Variants in KCNH1 observed in about 807,000 individuals in gnomAD.
KCNH1 encodes voltage-gated delayed rectifier potassium channel KCNH1.
Under a neutral mutation model 69.2 loss-of-function variants are expected in KCNH1, and 27 were observed. The observed-to-expected ratio is 0.39, with a 90% CI of 0.29 to 0.54. The LOEUF is 0.54. KCNH1 is among the 20% of genes least tolerant of loss of function. The pLI is 0.68. For synonymous variants in KCNH1, 456 were observed against 487.7 expected (o/e 0.93, Z 0.86); for missense variants, 798 against 1,261.6 (o/e 0.63, Z 5.57).
intron 7 of KCNH1, chr1:210,860,658 A>T: frequency 1.3e-6 from 1 of 780,726 alleles, no homozygotes; most frequent in South Asian, 1.4e-5. Context: ...CCTGCATTAC[A>T]GGTCTGATAA....
At chr1:210,996,886 C>T (rs368537603) in intron 6 of KCNH1, among the ~76,000 whole-genome samples, 1 of 152,252 alleles carries the variant, frequency 6.6e-6, no homozygotes, top group East Asian at 1.9e-4. Flanking sequence ...GCAGCCACCG[C>T]TGCTGATACC....
At chr1:210,703,967 T>G (rs1681843008) in intron 10 of KCNH1, among the ~76,000 whole-genome samples, 1 of 152,176 alleles carries the variant, frequency 6.6e-6, no homozygotes, top group South Asian at 2.1e-4. Context: ...AAGTGCAGCG[T>G]GCACCCCCAT....
At chr1:211,016,082 C>G (rs753594804) in intron 6 of KCNH1, among the ~76,000 whole-genome samples, 3 of 152,142 alleles carry the variant, frequency 2.0e-5, no homozygotes, top group African/African-American at 4.8e-5. Context: ...TTTCATGAAT[C>G]TATAAATCAG....
intron 10 of KCNH1, among the ~76,000 whole-genome samples, chr1:210,707,719 T>G (rs1681947975): frequency 6.6e-6 from 1 of 152,014 alleles, no homozygotes; most frequent in Non-Finnish European, 1.5e-5. Flanking sequence ...TTCTAAAAAG[T>G]CCCTCAGCAC....
chr1:210,797,884 C>T (rs1391538005), intron 8 of KCNH1, 124 bp from the exon 9 acceptor site: 1 of 1,084,468 alleles, frequency 9.2e-7, no homozygotes, highest in Non-Finnish European at 1.3e-6. Flanking sequence ...AACCAAAGTC[C>T]CTGCGCTTAT....
At chr1:210,742,968 A>G (rs1379910469) in intron 10 of KCNH1, among the ~76,000 whole-genome samples, 1 of 152,210 alleles carries the variant, frequency 6.6e-6, no homozygotes, top group Non-Finnish European at 1.5e-5. Context: ...AATGTATTCC[A>G]GCAGGAAGAG....
intron 1 of KCNH1, among the ~76,000 whole-genome samples, chr1:211,125,702 G>C (rs1691766172): frequency 6.6e-6 from 1 of 152,220 alleles, no homozygotes; most frequent in Non-Finnish European, 1.5e-5. Context: ...AGAAAAAGGA[G>C]ATGGAAGGCC....
At chr1:210,927,140 A>T (rs1266194198) in intron 6 of KCNH1, among the ~76,000 whole-genome samples, 1 of 152,222 alleles carries the variant, frequency 6.6e-6, no homozygotes, top group African/African-American at 2.4e-5. Context: ...TTTGGAAAAC[A>T]TATTTGAGGG....
chr1:210,824,645 A>G (rs1187404364), intron 7 of KCNH1, among the ~76,000 whole-genome samples: 1 of 152,200 alleles, frequency 6.6e-6, no homozygotes, highest in Non-Finnish European at 1.5e-5. Context: ...TTACACAGAC[A>G]TGTAGTTGGA....
chr1:210,947,154 C>G (rs1687972795), intron 6 of KCNH1, among the ~76,000 whole-genome samples: 1 of 152,202 alleles, frequency 6.6e-6, no homozygotes, highest in Admixed American at 6.5e-5. Flanking sequence ...TTAGATCGAC[C>G]TCTAAAGAGA....
intron 5 of KCNH1, among the ~76,000 whole-genome samples, chr1:211,035,960 G>T (rs1383694955): frequency 1.3e-5 from 2 of 152,218 alleles, no homozygotes; most frequent in African/African-American, 4.8e-5. Context: ...TGACAGCATT[G>T]CTCTGATTGT....
intron 3 of KCNH1, among the ~76,000 whole-genome samples, chr1:211,099,816 G>A (rs912680700): frequency 1.3e-5 from 2 of 152,028 alleles, no homozygotes; most frequent in African/African-American, 2.4e-5. Flanking sequence ...TCTGCCTGGG[G>A]CTCCCAAACT....
At position 210,681,293 on chromosome 1, in the gene KCNH1, T is replaced by C. The variant is rs766546454; in HGVS notation, c.*1988A>G. On this transcript the variant is annotated 3_prime_UTR_variant, in exon 11 of 11. Coordinates refer to ENST00000271751, the MANE Select transcript of KCNH1 (RefSeq NM_172362.3). The stretch of plus-strand genomic sequence containing the variant: ...AGAGGCTGAAGGCCTCACAGCTTTA[T>C]TCAAAGTCACAGATAGTTGTGACTC... 3.9e-5 allele frequency: 6 copies of C among 152,350 alleles called. No individual in the cohort carries two copies. Among genetic ancestry groups the C allele is most frequent in the Non-Finnish European group, 7.3e-5 (5 of 68,046 alleles). 9.4% of individuals were successfully genotyped at this position (152,350 alleles called of 1,614,324 possible).
intron 6 of KCNH1, among the ~76,000 whole-genome samples, chr1:210,986,275 T>C (rs1489516638): frequency 5.9e-5 from 9 of 152,314 alleles, no homozygotes; most frequent in Middle Eastern, 3.4e-3. Context: ...AGCATTTAGC[T>C]CATTTACATT....
intron 3 of KCNH1, among the ~76,000 whole-genome samples, chr1:211,098,504 TA>T (rs1691200068): frequency 6.6e-6 from 1 of 152,110 alleles, no homozygotes; most frequent in Non-Finnish European, 1.5e-5. Context: ...TTCCAAACCA[TA>T]CCATGAAGCC....
At chr1:210,915,239 G>C (rs1208634126) in intron 7 of KCNH1, among the ~76,000 whole-genome samples, 1 of 152,148 alleles carries the variant, frequency 6.6e-6, no homozygotes, top group Non-Finnish European at 1.5e-5. Flanking sequence ...GACAGGGTCT[G>C]TCTCTGTCCT....
At chr1:210,934,506 G>A (rs1687738747) in intron 6 of KCNH1, among the ~76,000 whole-genome samples, 1 of 152,158 alleles carries the variant, frequency 6.6e-6, no homozygotes, top group African/African-American at 2.4e-5. Flanking sequence ...GGGCATGGTG[G>A]CTTGCGCCTG....
intron 5 of KCNH1, among the ~76,000 whole-genome samples, chr1:211,073,813 C>T (rs1246348793): frequency 2.0e-5 from 3 of 151,024 alleles, no homozygotes; most frequent in African/African-American, 4.9e-5. Context: ...AAAATTAAAG[C>T]AAATTAAATC....
At chr1:211,000,866 A>G (rs1232548788) in intron 6 of KCNH1, among the ~76,000 whole-genome samples, 1 of 152,188 alleles carries the variant, frequency 6.6e-6, no homozygotes, top group East Asian at 1.9e-4. Context: ...CCACAAATCT[A>G]CAACCATCTG....
Sources: gnomAD v4.1 joint callset for allele counts (sites outside exome capture counted in the v4.1 genomes callset) on GRCh38, gnomAD v4.1.1 for gene constraint, MANE v1.5 for transcripts, NCBI Gene and HGNC (gene_info 2026-07-23, HGNC 2026-07-21) for gene names.